ADGRE2: variants seen among roughly 807,000 people sequenced by gnomAD.
ADGRE2 encodes CD97 antigen.
A neutral mutation model predicts 100.8 loss-of-function variants in ADGRE2; 83 were observed. The ratio of observed to expected loss-of-function variants is 0.82; its 90% CI spans 0.69 to 0.99. The LOEUF (loss-of-function observed/expected upper bound fraction) is 0.99. Among genes scored for constraint, ADGRE2 ranks in the 50% least tolerant of loss-of-function variants. The pLI is 0.00. For missense variants in ADGRE2, 814 were observed against 1,035.7 expected (o/e 0.79, Z 2.94); for synonymous variants, 355 against 413.0 (o/e 0.86, Z 1.70).
rs201637138 is a variant in ADGRE2 at position 14,765,439 on chromosome 19, C to T, written c.829-42G>A. Reference sequence around the variant, plus strand: ...TGTGGGGGTCAGAGAGCCTGGACGGCGGGTGGGAAGTTTAGAACAAGGAGA... The same window carrying T: ...TGTGGGGGTCAGAGAGCCTGGACGGTGGGTGGGAAGTTTAGAACAAGGAGA... On this transcript the variant is annotated intron_variant, in intron 9 of 20. Coordinates refer to ENST00000315576, the MANE Select transcript of ADGRE2 (RefSeq NM_013447.4). 9.6e-4 allele frequency: 1,553 copies of T among 1,613,520 alleles called. 11 individuals carry two copies. The South Asian group carries it at 0.014, about 15-fold the overall frequency.
chr19:14,771,761 C>T (rs182758888), intron 5 of ADGRE2: 1 of 147,080 alleles, frequency 6.8e-6, no homozygotes, highest in African/African-American at 2.6e-5. Context: ...CTGCCTCAGC[C>T]TCCTGAGTAG....
At chr19:14,726,959 A>G in the ADGRE2 span, among the ~76,000 whole-genome samples, 96 of 148,562 alleles carry the variant, frequency 6.5e-4, no homozygotes, top group African/African-American at 2.3e-3. Context: ...AATTTTCTGT[A>G]TTAGCCTGTT....
the ADGRE2 span, among the ~76,000 whole-genome samples, chr19:14,727,291 A>G: frequency 1.2e-4 from 18 of 152,138 alleles, no homozygotes; most frequent in East Asian, 3.9e-4. Flanking sequence ...GCCTCCCAAA[A>G]TGCTGGGATT....
At chr19:14,743,157 T>C (rs906501377) in intron 20 of ADGRE2, among the ~76,000 whole-genome samples, 1 of 152,056 alleles carries the variant, frequency 6.6e-6, no homozygotes, top group African/African-American at 2.4e-5. Flanking sequence ...CAGGGTCATC[T>C]TGCACTCCTG....
intron 15 of ADGRE2, among the ~76,000 whole-genome samples, chr19:14,751,912 C>CATAT (rs1259908615): frequency 1.4e-4 from 13 of 95,046 alleles, no homozygotes; most frequent in African/African-American, 4.6e-4. Flanking sequence ...CACACACACA[C>CATAT]ATATATATAT....
rs774386346 is a variant in ADGRE2 at position 14,765,769 on chromosome 19, C to G, written c.670G>C (p.Asp224His). 6.2e-7 allele frequency: 1 copy of G among 1,613,220 alleles called. No homozygotes were observed. Among genetic ancestry groups the G allele is most frequent in the African/African-American group, 1.3e-5 (1 of 74,872 alleles). ...DECSSGQHQCDSSTVCFNTVG... is the reference protein window; with the variant it reads ...DECSSGQHQCHSSTVCFNTVG... ...GTGTTGAAGCAGACGGTGGAGCTGT[C>G]ACACTGATGCTGCCCGGAGCTGCAC... Residue 224 changes from aspartate (D) to histidine (H), a missense_variant, in exon 8 of 21, where the codon GAC (aspartate) becomes CAC (histidine). Asp to His is a moderately conservative substitution (Grantham distance 81, BLOSUM62 -1). Transcript: ENST00000315576.
intron 20 of ADGRE2, among the ~76,000 whole-genome samples, chr19:14,742,313 C>A (rs1255425173): frequency 2.6e-5 from 4 of 152,150 alleles, no homozygotes; most frequent in African/African-American, 7.2e-5. Context: ...CTCACTGCAG[C>A]CTCAAACTCC....
chr19:14,748,463 CA>C (rs2043159468), intron 16 of ADGRE2, among the ~76,000 whole-genome samples: 2 of 152,262 alleles, frequency 1.3e-5, no homozygotes, highest in South Asian at 4.1e-4. Context: ...CACCCACGAC[CA>C]CGCCCAGCTA....
intron 13 of ADGRE2, among the ~76,000 whole-genome samples, 198 bp downstream of exon 13, chr19:14,755,456 A>T (rs888331738): frequency 6.6e-6 from 1 of 151,450 alleles, no homozygotes; most frequent in Non-Finnish European, 1.5e-5. Context: ...CTGTCTCAAT[A>T]AAAAAAAGAA....
chr19:14,777,052 T>C (rs1255058340), intron 1 of ADGRE2, 125 bp from the exon 2 acceptor site: 3 of 1,242,706 alleles, frequency 2.4e-6, no homozygotes, highest in Non-Finnish European at 3.0e-6. Context: ...GCAACCTGCT[T>C]TAAAAATCCC....
At chr19:14,743,343 G>A (rs1026878246) in intron 20 of ADGRE2, 77 bp downstream of exon 20, 3 of 1,169,286 alleles carry the variant, frequency 2.6e-6, no homozygotes, top group African/African-American at 3.0e-5. Flanking sequence ...TGTATTCCCA[G>A]GTTTCCTTGT....
At chr19:14,738,973 T>TC (rs1440827197) in intron 20 of ADGRE2, among the ~76,000 whole-genome samples, 4 of 148,484 alleles carry the variant, frequency 2.7e-5, no homozygotes, top group East Asian at 1.9e-4. Context: ...TCTTTTCTTT[T>TC]TTTTTTTTTT....
In ADGRE2 at chr19:14,743,447, A is replaced by G; in HGVS notation, c.2436T>C (p.Ala812=). The G allele has an allele frequency of 1.2e-6, 2 of 1,614,166 alleles. No homozygotes were observed. Among genetic ancestry groups the G allele is most frequent in the Non-Finnish European group, 1.7e-6 (2 of 1,180,018 alleles). ...ESEMHTLSSS[A]KADTSKPSTV... ...TGCTGGGTTTGGAGGTGTCAGCCTT[A>G]GCACTGCTGGAGAGTGTGTGCATCT... is the stretch of plus-strand genomic sequence containing the variant. Residue 812 remains alanine (A), a synonymous_variant, in exon 20 of 21, where the codon GCT becomes GCC. Coordinates refer to ENST00000315576, the MANE Select transcript of ADGRE2 (RefSeq NM_013447.4).
intron 11 of ADGRE2, among the ~76,000 whole-genome samples, chr19:14,757,679 C>T (rs2043549452): frequency 6.6e-6 from 1 of 152,150 alleles, no homozygotes; most frequent in African/African-American, 2.4e-5. Context: ...TTTAACCCTA[C>T]CCTCACACAA....
At chr19:14,767,958 G>A (rs1232791640) in intron 5 of ADGRE2, among the ~76,000 whole-genome samples, 2 of 152,244 alleles carry the variant, frequency 1.3e-5, no homozygotes, top group African/African-American at 4.8e-5. Context: ...ACTGTACATG[G>A]TGGTCATGGG....
Position 14,732,833 on chromosome 19 carries a change from C to A in ADGRE2, c.*3403G>T, listed in dbSNP as rs1425559783. ...AGTTTTATTAAAACATAGCCATGAT[C>A]ATTCATTTATGATTGTCTATAGCTG... On this transcript the variant is annotated 3_prime_UTR_variant, in exon 21 of 21. Transcript: ENST00000315576. The A allele has an allele frequency of 6.6e-6, 1 of 152,052 alleles. No homozygotes were observed. The highest frequency in any genetic ancestry group is 2.4e-5 in the African/African-American group (1 of 41,400). The allele number at this position is 152,052 out of a possible 1,614,324, so 9.4% of individuals were successfully genotyped here. A position where few individuals can be genotyped will look rare whatever the true frequency, so the allele number is the denominator to read the frequency against.
the ADGRE2 span, among the ~76,000 whole-genome samples, chr19:14,726,429 C>T: frequency 6.6e-6 from 1 of 152,192 alleles, no homozygotes; most frequent in Non-Finnish European, 1.5e-5. Context: ...GGTGGTTCTG[C>T]AGCCCTCTTA....
In ADGRE2 at chr19:14,752,435, C is replaced by T. The variant is rs370041623; in HGVS notation, c.1682G>A (p.Cys561Tyr). Residue 561 changes from cysteine (C) to tyrosine (Y), a missense_variant, in exon 15 of 21, where the codon TGT becomes TAT. Coordinates refer to ENST00000315576, the MANE Select transcript of ADGRE2 (RefSeq NM_013447.4). ...LLLAALTFLL[C>Y]KAIQNTSTSL... ...GGTGCTGGTGTTCTGGATGGCTTTA[C>T]ACAGGAGAAAAGTGAGGGCCGCCAG... The T allele has an allele frequency of 1.3e-4, 217 of 1,613,964 alleles. No individual in the cohort carries two copies. Among genetic ancestry groups the T allele is most frequent in the Non-Finnish European group, 1.7e-4 (200 of 1,180,022 alleles).
intron 12 of ADGRE2, 75 bp from the exon 13 acceptor site, chr19:14,755,952 C>A: frequency 1.5e-6 from 2 of 1,298,656 alleles, no homozygotes; most frequent in South Asian, 1.3e-5. Context: ...CTCTGCCCTG[C>A]ACAGAACTTT....
Sources: gnomAD v4.1 joint callset for allele counts (sites outside exome capture counted in the v4.1 genomes callset) on GRCh38, gnomAD v4.1.1 for gene constraint, MANE v1.5 for transcripts, NCBI Gene and HGNC (gene_info 2026-07-23, HGNC 2026-07-21) for gene names.